The following WTAP variants were observed in gnomAD, a reference collection of about 807,000 sequenced individuals.
WTAP encodes the protein pre-mRNA-splicing regulator WTAP.
In WTAP, 8 loss-of-function variants were observed where a neutral mutation model predicts 50.0. The observed-to-expected ratio is 0.16, with a 90% CI of 0.09 to 0.29. The LOEUF (loss-of-function observed/expected upper bound fraction) is 0.29, where lower values mean the gene tolerates loss of function less well. Among genes scored for constraint, WTAP ranks in the 10% least tolerant of loss-of-function variants. The pLI is 1.00. For missense variants in WTAP, 295 were observed against 470.7 expected (o/e 0.63, Z 3.45); for synonymous variants, 194 against 169.0 (o/e 1.15, Z -1.15).
At chr6:159,727,476 G>T (rs939889112), upstream of WTAP, 58 of 993,518 alleles carry the variant, frequency 5.8e-5, no homozygotes, top group Non-Finnish European at 6.6e-5. Flanking sequence ...CCGTGCGGCG[G>T]GGCGGGGCCG....
chr6:159,732,284 A>G (rs921344722), intron 1 of WTAP, among the ~76,000 whole-genome samples: 1 of 152,210 alleles, frequency 6.6e-6, no homozygotes, highest in African/African-American at 2.4e-5. Flanking sequence ...ATACTTTAGT[A>G]TTACAACTAA....
At chr6:159,734,222 C>G (rs759330401) in intron 1 of WTAP, among the ~76,000 whole-genome samples, 1 of 151,842 alleles carries the variant, frequency 6.6e-6, no homozygotes, top group Non-Finnish European at 1.5e-5. Flanking sequence ...CCACATTGCC[C>G]GGGCTCGGTT....
At chr6:159,745,341 G>A (rs1050885553) in intron 5 of WTAP, among the ~76,000 whole-genome samples, 2 of 152,078 alleles carry the variant, frequency 1.3e-5, no homozygotes, top group African/African-American at 2.4e-5. Flanking sequence ...ATCATATTAC[G>A]CCTGGTCAAG....
At chr6:159,727,150 C>T (rs905622971), upstream of WTAP, 4 of 1,195,304 alleles carry the variant, frequency 3.3e-6, no homozygotes, top group African/African-American at 1.6e-5. Context: ...AGCTCCGGGG[C>T]CCGCGGAGCT....
At chr6:159,733,652 T>C (rs1409086788) in intron 1 of WTAP, among the ~76,000 whole-genome samples, 2 of 150,880 alleles carry the variant, frequency 1.3e-5, no homozygotes, top group Non-Finnish European at 2.9e-5. Context: ...CGCTGGCTCA[T>C]GCCTGTAGTC....
chr6:159,734,674 T>C (rs1011275926), intron 1 of WTAP, among the ~76,000 whole-genome samples: 3 of 152,152 alleles, frequency 2.0e-5, no homozygotes, highest in African/African-American at 7.2e-5. Flanking sequence ...AAAAACTAAA[T>C]TAGTATAAGA....
chr6:159,732,884 ATAGTGTGTGTGTGTGT>A (rs1778668715), intron 1 of WTAP, among the ~76,000 whole-genome samples: 2 of 83,410 alleles, frequency 2.4e-5, no homozygotes, highest in Non-Finnish European at 4.4e-5. Context: ...GTATATATAT[ATAGTGTGTGTGTGTGT>A]GTGTGTGTGT....
In WTAP at chr6:159,755,744, T is replaced by TA; in HGVS notation, c.*133_*134insA. The TA allele has an allele frequency of 4.2e-6, 5 of 1,188,538 alleles. No homozygotes were observed. The highest frequency in any genetic ancestry group is 3.9e-5 in the Admixed American group (1 of 25,482). The allele number at this position is 1,188,538 out of a possible 1,614,324, so 73.6% of individuals were successfully genotyped here. A position where few individuals can be genotyped will look rare whatever the true frequency, so the allele number is the denominator to read the frequency against. On this transcript the variant is annotated 3_prime_UTR_variant, in exon 8 of 8. Coordinates refer to ENST00000621533, the MANE Select transcript of WTAP (RefSeq NM_001270531.2). ...TTTGGTTTTTTTTTGTTGTTTTTTT[T>TA]CTTTGTTTTTTTTTTCTTTTCTTTT...
rs555390480 is a variant in WTAP at position 159,737,943 on chromosome 6, CAAAT to C, written c.31-1042_31-1039del. ...ATAATTATAGATTCATAGGAAGTTGCAAATAAATGTACAGAGAGGTTCTGTGCAA... is the reference window on the plus strand; with the variant it reads ...ATAATTATAGATTCATAGGAAGTTGCAAATGTACAGAGAGGTTCTGTGCAA... On this transcript the variant is annotated intron_variant, in intron 2 of 7. Coordinates refer to ENST00000621533, the MANE Select transcript of WTAP (RefSeq NM_001270531.2). 3.1e-3 allele frequency among the ~76,000 whole-genome samples: 466 copies of C among 152,322 alleles called. 4 individuals carry two copies. The highest frequency in any genetic ancestry group is 0.01 in the Middle Eastern group (3 of 294).
intron 6 of WTAP, chr6:159,749,153 A>G (rs778036758): frequency 3.9e-5 from 38 of 985,892 alleles, no homozygotes; most frequent in Non-Finnish European, 4.6e-5. Context: ...GGACTGTACA[A>G]ACATGAAGGT....
chr6:159,727,608 G>T lies in WTAP; in HGVS notation c.-104G>T. 1.0e-6 allele frequency: 1 copy of T among 986,374 alleles called. No individual in the cohort carries two copies. 61.1% of individuals were successfully genotyped at this position (986,374 alleles called of 1,614,324 possible). A position where few individuals can be genotyped will look rare whatever the true frequency, so the allele number is the denominator to read the frequency against. ...GGCGGGGCCGGCGGCAGAGCTGTCC[G>T]GCTGCGCGGTGGCCCGGGGGGCCCG... is the stretch of plus-strand genomic sequence containing the variant. On this transcript the variant is annotated 5_prime_UTR_variant, in exon 1 of 8. Coordinates refer to ENST00000621533, the MANE Select transcript of WTAP (RefSeq NM_001270531.2).
chr6:159,751,097 A>AT (rs1314129152), intron 6 of WTAP, among the ~76,000 whole-genome samples: 1 of 152,130 alleles, frequency 6.6e-6, no homozygotes, highest in African/African-American at 2.4e-5. Context: ...GAATGGGTTG[A>AT]TTTTTTTGTT....
At chr6:159,750,996 T>A (rs1242979512) in intron 6 of WTAP, among the ~76,000 whole-genome samples, 1 of 152,280 alleles carries the variant, frequency 6.6e-6, no homozygotes, top group Non-Finnish European at 1.5e-5. Flanking sequence ...TTAAAATATT[T>A]CATTCATGTG....
chr6:159,737,589 T>G (rs1778998743), intron 2 of WTAP, among the ~76,000 whole-genome samples: 1 of 152,074 alleles, frequency 6.6e-6, no homozygotes, highest in Non-Finnish European at 1.5e-5. Flanking sequence ...ATACCCCAGC[T>G]TATGCGATCC....
chr6:159,748,080 G>A lies in WTAP; in HGVS notation c.274-111G>A. ...TAGAGAATTTCAGGATCAAAGAGGGGAGGAGCTTAATGAAAGAGTTGGTAA... is the reference window on the plus strand; with the variant it reads ...TAGAGAATTTCAGGATCAAAGAGGGAAGGAGCTTAATGAAAGAGTTGGTAA... On this transcript the variant is annotated intron_variant, in intron 5 of 7. Coordinates refer to ENST00000621533, the MANE Select transcript of WTAP (RefSeq NM_001270531.2). The surrounding 1 kb of genome is among the most constrained non-coding windows in gnomAD (Gnocchi z 5.6). 7.7e-7 allele frequency: 1 copy of A among 1,307,026 alleles called. No homozygotes were observed. The highest frequency in any genetic ancestry group is 1.0e-6 in the Non-Finnish European group (1 of 958,492). 81.0% of individuals were successfully genotyped at this position (1,307,026 alleles called of 1,614,324 possible). A position where few individuals can be genotyped will look rare whatever the true frequency, so the allele number is the denominator to read the frequency against.
At chr6:159,737,594 C>T (rs1408013678) in intron 2 of WTAP, among the ~76,000 whole-genome samples, 4 of 152,012 alleles carry the variant, frequency 2.6e-5, no homozygotes, top group African/African-American at 9.7e-5. Flanking sequence ...CCAGCTTATG[C>T]GATCCTCCCA....
chr6:159,728,415 A>C lies in WTAP; in HGVS notation c.-9+712A>C, dbSNP rs78402578. On this transcript the variant is annotated intron_variant, in intron 1 of 7. Transcript: ENST00000621533. ...ACTAGCATAACTGTGATTATGTAAA[A>C]AAAACAAAACAAAACAAAAAAACTA... Among the ~76,000 whole-genome samples the C allele has an allele frequency of 6.5e-4, 90 of 139,016 alleles. No homozygotes were observed. The East Asian group carries it at 0.013, about 21-fold the overall frequency. 91.2% of individuals were successfully genotyped at this position (139,016 alleles called of 152,430 possible). A position where few individuals can be genotyped will look rare whatever the true frequency, so the allele number is the denominator to read the frequency against.
chr6:159,742,894 A>T (rs956697620), intron 4 of WTAP, among the ~76,000 whole-genome samples: 7 of 149,534 alleles, frequency 4.7e-5, no homozygotes, highest in Non-Finnish European at 8.9e-5. Context: ...TGTCTCTACA[A>T]AAAAAAAAAG....
chr6:159,733,271 T>A (rs750273783), intron 1 of WTAP, among the ~76,000 whole-genome samples: 2 of 152,198 alleles, frequency 1.3e-5, no homozygotes, highest in Non-Finnish European at 2.9e-5. Context: ...TACAATTAGC[T>A]CAGAAACAAA....
Sources: allele counts gnomAD v4.1 joint callset (sites outside exome capture counted in the v4.1 genomes callset), GRCh38; gene constraint gnomAD v4.1.1; non-coding constraint Gnocchi (gnomAD v3.1); transcripts MANE v1.5; gene names NCBI Gene and HGNC (gene_info 2026-07-23, HGNC 2026-07-21).